GPR108: variants seen among roughly 807,000 people sequenced by gnomAD.
The protein encoded by GPR108 is protein GPR108.
In GPR108, 60 loss-of-function variants were observed where a neutral mutation model predicts 74.3. The observed-to-expected ratio is 0.81, with a 90% CI of 0.66 to 1.00. The LOEUF (loss-of-function observed/expected upper bound fraction) is 1.00. Ranked by LOEUF, GPR108 falls within the 50% of genes least tolerant of loss-of-function variation. GPR108 has a pLI of 0.00. For synonymous variants in GPR108, 311 were observed against 292.4 expected (o/e 1.06, Z -0.65); for missense variants, 667 against 703.3 (o/e 0.95, Z 0.58).
chr19:6,733,663 C>T lies in GPR108; in HGVS notation c.630G>A (p.Val210=). Residue 210 remains valine (V), a synonymous_variant, in exon 8 of 18, where the codon GTG becomes GTA. Coordinates refer to ENST00000264080, the MANE Select transcript of GPR108 (RefSeq NM_001080452.2). ...NNSYNFSFHV[V]IGSQAEEGQY... Reference sequence around the variant, plus strand: ...GGCCTTCTTCCGCCTGAGAGCCGATCACCACGTGGAACTGGGCGGGCGGGG... The same window carrying T: ...GGCCTTCTTCCGCCTGAGAGCCGATTACCACGTGGAACTGGGCGGGCGGGG... 1.9e-6 allele frequency: 3 copies of T among 1,614,092 alleles called. No individual in the cohort carries two copies. In the South Asian group the frequency reaches 3.3e-5, roughly 18 times the overall value.
intron 13 of GPR108, 34 bp downstream of exon 13, chr19:6,731,991 G>A (rs1968427251): frequency 6.2e-7 from 1 of 1,613,434 alleles, no homozygotes. Context: ...CATGTGCACA[G>A]GGCAGAGCCT....
intron 14 of GPR108, 58 bp from the exon 15 acceptor site, chr19:6,731,580 G>T: frequency 2.1e-6 from 2 of 936,014 alleles, no homozygotes. Flanking sequence ...GGGAGGGGAG[G>T]GGGCTGGGGG....
At chr19:6,735,573 A>G in intron 4 of GPR108, 49 bp downstream of exon 4, 1 of 1,507,318 alleles carries the variant, frequency 6.6e-7, no homozygotes, top group Non-Finnish European at 9.2e-7. Context: ...GCATCACACC[A>G]GGGAAACGCA....
At chr19:6,735,862 C>A (rs1260260821) in intron 3 of GPR108, 46 bp downstream of exon 3, 5 of 1,590,170 alleles carry the variant, frequency 3.1e-6, no homozygotes, top group Non-Finnish European at 4.3e-6. Flanking sequence ...GACCCTACCC[C>A]CTCCCTCCAG....
In GPR108 at chr19:6,735,641, T is replaced by C; in HGVS notation, c.355A>G (p.Ile119Val). ...ACTCACTGCAGATCCTTGGTGTTGA[T>C]GAGGAACAGGACCAGGAAACTGCTA... The part of the protein sequence containing the change: ...NSSSFLVLFL[I>V]NTKDLQVQVR... The change falls in exon 4 of 18, where the codon ATC (isoleucine) becomes GTC (valine). Residue 119 changes from isoleucine (I) to valine (V), a missense_variant. Coordinates refer to ENST00000264080, the MANE Select transcript of GPR108 (RefSeq NM_001080452.2). The C allele has an allele frequency of 6.2e-7, 1 of 1,614,006 alleles. No individual in the cohort carries two copies. Among genetic ancestry groups the C allele is most frequent in the Non-Finnish European group, 8.5e-7 (1 of 1,179,976 alleles).
At position 6,733,868 on chromosome 19, in the gene GPR108, G is replaced by A. The variant is rs113924576; in HGVS notation, c.595C>T (p.Leu199Phe). The change falls in exon 7 of 18, where the codon CTC becomes TTC. Residue 199 changes from leucine to phenylalanine, a missense_variant. Leu to Phe is a conservative substitution (Grantham distance 22, BLOSUM62 0). Transcript: ENST00000264080. ...DKDLVLGLSHLNNSYNFSFHV... is the reference protein window; with the variant it reads ...DKDLVLGLSHFNNSYNFSFHV... ...ACACTGAAGTTGTAGGAGTTGTTGA[G>A]GTGGCTCAGGCCCAACACCAGGTCC... 4.3e-6 allele frequency: 7 copies of A among 1,614,014 alleles called. No homozygotes were observed. Among genetic ancestry groups the A allele is most frequent in the African/African-American group, 2.7e-5 (2 of 74,920 alleles).
Position 6,731,456 on chromosome 19 carries a change from G to C in GPR108, c.1350+17C>G, listed in dbSNP as rs1458807625. Reference sequence around the variant, plus strand: ...GGTAATCCCCCCAAACCCGCTGTGAGTGAGGCGGGCTCCTACCATGACATA... The same window carrying C: ...GGTAATCCCCCCAAACCCGCTGTGACTGAGGCGGGCTCCTACCATGACATA... On this transcript the variant is annotated intron_variant, in intron 15 of 17. Coordinates refer to ENST00000264080, the MANE Select transcript of GPR108 (RefSeq NM_001080452.2). 6.5e-7 allele frequency: 1 copy of C among 1,531,214 alleles called. No homozygotes were observed. Among genetic ancestry groups the C allele is most frequent in the African/African-American group, 1.4e-5 (1 of 72,262 alleles). The allele number at this position is 1,531,214 out of a possible 1,614,324, so 94.9% of individuals were successfully genotyped here. A position where few individuals can be genotyped will look rare whatever the true frequency, so the allele number is the denominator to read the frequency against.
intron 2 of GPR108, 37 bp downstream of exon 2, chr19:6,736,555 C>A: frequency 3.1e-6 from 5 of 1,594,914 alleles, no homozygotes; most frequent in Non-Finnish European, 3.4e-6. Flanking sequence ...GGGATTGCAC[C>A]GTGCTCTCCT....
intron 8 of GPR108, 123 bp downstream of exon 8, chr19:6,733,447 G>T (rs1456664541): frequency 7.7e-7 from 1 of 1,290,718 alleles, no homozygotes; most frequent in African/African-American, 1.5e-5. Context: ...CTCTCAAATG[G>T]GTATAACAGC....
At chr19:6,733,476 A>G in intron 8 of GPR108, 94 bp downstream of exon 8, 1 of 1,404,180 alleles carries the variant, frequency 7.1e-7, no homozygotes, top group South Asian at 1.2e-5. Context: ...CGCACCCGGG[A>G]GGGCTGGGAA....
chr19:6,735,563 G>C (rs1379854648), intron 4 of GPR108, 59 bp downstream of exon 4: 1 of 1,413,160 alleles, frequency 7.1e-7, no homozygotes, highest in African/African-American at 1.4e-5. Flanking sequence ...GTGCGTGTGG[G>C]CATCACACCA....
rs1968646260 is a variant in GPR108 at position 6,736,680 on chromosome 19, CT to C, written c.151del (p.Ser51AlafsTer14). On this transcript the variant is annotated frameshift_variant, in exon 2 of 18. Transcript: ENST00000264080. LOFTEE classifies it high-confidence loss of function. ...GEKRADIQLN[S>X]FGFYTNGSLE... ...AGAGCCATTGGTGTAGAAACCGAAG[CT>C]GTTCAGCTGGATGTCCGCTCGCTTC... 1 of 1,613,994 alleles carries C rather than the reference CT, an allele frequency of 6.2e-7. No individual in the cohort carries two copies. The highest frequency in any genetic ancestry group is 1.3e-5 in the African/African-American group (1 of 74,910).
rs760318222 is a variant in GPR108 at position 6,731,095 on chromosome 19, G to C, written c.1451C>G (p.Ser484Cys). 4 of 1,613,136 alleles carry C rather than the reference G, an allele frequency of 2.5e-6. No individual in the cohort carries two copies. In the African/African-American group the frequency reaches 4.0e-5, roughly 16 times the overall value. Residue 484 changes from serine (S) to cysteine (C), a missense_variant, in exon 17 of 18, where the codon TCC becomes TGC. By Grantham distance (112) the Ser-to-Cys change is moderately radical. Transcript: ENST00000264080. ...CGTGAGCACGAAGAAGGCCAGGGTG[G>C]AGCCCTCCACCAAGAGCTGGGGGAC... Reference protein sequence around the residue: ...QWLYQLLVEGSTLAFFVLTGY... With the variant: ...QWLYQLLVEGCTLAFFVLTGY...
chr19:6,730,355 A>T lies in GPR108; in HGVS notation c.1589T>A (p.Leu530His). ...GCTGGCTGTTTTGTTGACTTTGGAG[A>T]GGCCTTCCCGGAACCCAGAGTCCGT... ...VMTDSGFREG[L>H]SKVNKTASGR... The change falls in exon 18 of 18, where the codon CTC becomes CAC. Residue 530 changes from leucine (L) to histidine (H), a missense_variant. By Grantham distance (99) the Leu-to-His change is moderately conservative. Transcript: ENST00000264080. 1.2e-6 allele frequency: 2 copies of T among 1,613,504 alleles called. No homozygotes were observed. Among genetic ancestry groups the T allele is most frequent in the South Asian group, 1.1e-5 (1 of 91,048 alleles).
At chr19:6,732,408 T>C in intron 11 of GPR108, 28 bp from the exon 12 acceptor site, 1 of 1,611,612 alleles carries the variant, frequency 6.2e-7, no homozygotes, top group East Asian at 2.2e-5. Flanking sequence ...GGCGTGATGA[T>C]GAGGTGGGGG....
At chr19:6,733,145 A>T (rs759195471) in intron 9 of GPR108, 23 bp downstream of exon 9, 2 of 1,613,368 alleles carry the variant, frequency 1.2e-6, no homozygotes, top group Non-Finnish European at 1.7e-6. Context: ...GACGTGGGGG[A>T]CCCTCAGGGG....
At chr19:6,737,420 C>A in intron 1 of GPR108, 37 bp downstream of exon 1, 2 of 1,571,582 alleles carry the variant, frequency 1.3e-6, no homozygotes, top group African/African-American at 1.4e-5. Flanking sequence ...GACAAAGTTG[C>A]GCCACCGACC....
At chr19:6,735,320 A>C in intron 4 of GPR108, 1 of 271,650 alleles carries the variant, frequency 3.7e-6, no homozygotes, top group Non-Finnish European at 7.0e-6. Context: ...ATCACAGGAT[A>C]AGGAATGGGT....
chr19:6,730,961 G>C (rs771493826), intron 17 of GPR108, 26 bp downstream of exon 17: 16 of 1,173,912 alleles, frequency 1.4e-5, no homozygotes, highest in Non-Finnish European at 1.8e-5. Context: ...CAGAGCCGCC[G>C]GCCCTGCCCA....
Sources: gnomAD v4.1 joint callset for allele counts on GRCh38, gnomAD v4.1.1 for gene constraint, MANE v1.5 for transcripts, NCBI Gene and HGNC (gene_info 2026-07-23, HGNC 2026-07-21) for gene names.